The following BOD1L2 variants were observed in gnomAD, a reference collection of about 807,000 sequenced individuals.
The protein encoded by BOD1L2 is biorientation of chromosomes in cell division protein 1-like 2.
BOD1L2 carries 6 observed loss-of-function variants against 5.3 expected under a neutral mutation model. That is an observed-to-expected ratio of 1.14 (90% confidence interval 0.62 to 2.25). The LOEUF is 2.25. BOD1L2 is among the 30% of genes most tolerant of loss of function. BOD1L2 has a pLI of 0.00. For missense variants in BOD1L2, 210 were observed against 227.2 expected (o/e 0.92, Z 0.49); for synonymous variants, 96 against 96.3 (o/e 1.00, Z 0.02).
In BOD1L2 at chr18:57,147,294, G is replaced by T. The variant is rs1387972757; in HGVS notation, c.-19G>T. ...AGAAGAAGCTATAATCGGTTTCCTT[G>T]TGGGCCCGGTGCGCAGCCATGGCGG... is the stretch of plus-strand genomic sequence containing the variant. On this transcript the variant is annotated 5_prime_UTR_variant, in exon 1 of 1. Transcript: ENST00000585477. 5 of 1,159,058 alleles carry T rather than the reference G, an allele frequency of 4.3e-6. No individual in the cohort carries two copies. The East Asian group carries it at 2.4e-4, about 56-fold the overall frequency. The allele number at this position is 1,159,058 out of a possible 1,614,324, so 71.8% of individuals were successfully genotyped here.
chr18:57,148,103 CCG>C lies in BOD1L2; in HGVS notation c.*275_*276del, dbSNP rs1163319627. 3 of 357,026 alleles carry C rather than the reference CCG, an allele frequency of 8.4e-6. No individual in the cohort carries two copies. Among genetic ancestry groups the C allele is most frequent in the African/African-American group, 6.1e-5 (3 of 48,996 alleles). The allele number at this position is 357,026 out of a possible 1,614,324, so 22.1% of individuals were successfully genotyped here. On this transcript the variant is annotated 3_prime_UTR_variant, in exon 1 of 1. Transcript: ENST00000585477. ...ACACACTACAGAGAGGGAAACACTACCGCGACCCAGGATTGTCCTGAAACAGA... is the reference window on the plus strand; with the variant it reads ...ACACACTACAGAGAGGGAAACACTACCGACCCAGGATTGTCCTGAAACAGA...
Position 57,147,153 on chromosome 18 carries a change from A to C in BOD1L2, c.-160A>C. ...AGCTGGCCTCCCCCACCGCCGCCCCAACCACCGGCCCCGCCGCCATCACCA... is the reference window on the plus strand; with the variant it reads ...AGCTGGCCTCCCCCACCGCCGCCCCCACCACCGGCCCCGCCGCCATCACCA... On this transcript the variant is annotated 5_prime_UTR_variant, in exon 1 of 1. Coordinates refer to ENST00000585477, the MANE Select transcript of BOD1L2 (RefSeq NM_001257964.2). 6 of 923,368 alleles carry C rather than the reference A, an allele frequency of 6.5e-6. No homozygotes were observed. Among genetic ancestry groups the C allele is most frequent in the South Asian group, 5.2e-5 (1 of 19,330 alleles). 57.2% of individuals were successfully genotyped at this position (923,368 alleles called of 1,614,324 possible).
In BOD1L2 at chr18:57,147,736, G is replaced by A; in HGVS notation, c.424G>A (p.Glu142Lys). ...FRPQIEQIIHEFLVAQKEAAV... is the reference protein window; with the variant it reads ...FRPQIEQIIHKFLVAQKEAAV... ...GCCACAAATAGAACAAATAATTCATGAATTCCTGGTGGCCCAGAAAGAAGC... is the reference window on the plus strand; with the variant it reads ...GCCACAAATAGAACAAATAATTCATAAATTCCTGGTGGCCCAGAAAGAAGC... Residue 142 changes from glutamate (E) to lysine (K), a missense_variant, in exon 1 of 1, where the codon GAA (glutamate) becomes AAA (lysine). Glu to Lys is a moderately conservative substitution (Grantham distance 56). Transcript: ENST00000585477. 6.2e-7 allele frequency: 1 copy of A among 1,613,846 alleles called. No homozygotes were observed. The highest frequency in any genetic ancestry group is 8.5e-7 in the Non-Finnish European group (1 of 1,180,038).
rs1364085919 is a variant in BOD1L2 at position 57,147,456 on chromosome 18, C to T, written c.144C>T (p.Ser48=). ...CTATCATCGTGGGGCAGCTCAAGAG[C>T]AGGGGCCTTTTTGACAGCTTCCGCC... The part of the protein sequence containing the change: ...LIAIIVGQLK[S]RGLFDSFRRD... Residue 48 remains serine (S), a synonymous_variant, in exon 1 of 1, where the codon AGC becomes AGT. Transcript: ENST00000585477. 3.0e-5 allele frequency: 46 copies of T among 1,552,276 alleles called. No individual in the cohort carries two copies. The highest frequency in any genetic ancestry group is 3.9e-5 in the Non-Finnish European group (45 of 1,152,008).
rs1202989016 is a variant in BOD1L2, at chr18:57,149,858, T to C, written c.*2027T>C. ...GAACCTAATTTCTGCTTTTAAGAAA[T>C]GTGTTGCGGAAGTGATTTTTGGTTT... On this transcript the variant is annotated 3_prime_UTR_variant, in exon 1 of 1. Transcript: ENST00000585477. 1 of 152,208 alleles carries C rather than the reference T, an allele frequency of 6.6e-6. No homozygotes were observed. Among genetic ancestry groups the C allele is most frequent in the African/African-American group, 2.4e-5 (1 of 41,458 alleles). The allele number at this position is 152,208 out of a possible 1,614,324, so 9.4% of individuals were successfully genotyped here.
rs2048942846 is a variant in BOD1L2, at chr18:57,149,063, CTTTATTCCCATT to C, written c.*1246_*1257del. 1.3e-5 allele frequency: 2 copies of C among 152,242 alleles called. No homozygotes were observed. Among genetic ancestry groups the C allele is most frequent in the Non-Finnish European group, 2.9e-5 (2 of 68,044 alleles). The allele number at this position is 152,242 out of a possible 1,614,324, so 9.4% of individuals were successfully genotyped here. A position where few individuals can be genotyped will look rare whatever the true frequency, so the allele number is the denominator to read the frequency against. ...CATGATCTAATTGAAGAAATCGTAT[CTTTATTCCCATT>C]TTTATTCCCATTTATAAATGTAGAA... On this transcript the variant is annotated 3_prime_UTR_variant, in exon 1 of 1. Transcript: ENST00000585477.
At position 57,148,717 on chromosome 18, in the gene BOD1L2, C is replaced by G. The variant is rs1278521769; in HGVS notation, c.*886C>G. On this transcript the variant is annotated 3_prime_UTR_variant, in exon 1 of 1. Coordinates refer to ENST00000585477, the MANE Select transcript of BOD1L2 (RefSeq NM_001257964.2). ...GTTTATGAGGCCCGTGATAATGGGG[C>G]CCCTGGTCACCTCTGCTGCCCCGTA... 1 of 152,216 alleles carries G rather than the reference C, an allele frequency of 6.6e-6. No individual in the cohort carries two copies. Among genetic ancestry groups the G allele is most frequent in the Non-Finnish European group, 1.5e-5 (1 of 68,054 alleles). 9.4% of individuals were successfully genotyped at this position (152,216 alleles called of 1,614,324 possible). A position where few individuals can be genotyped will look rare whatever the true frequency, so the allele number is the denominator to read the frequency against.
At position 57,147,526 on chromosome 18, in the gene BOD1L2, C is replaced by G; in HGVS notation, c.214C>G (p.Leu72Val). Residue 72 changes from leucine (L) to valine (V), a missense_variant, in exon 1 of 1, where the codon CTG becomes GTG. Leu to Val is a conservative substitution (Grantham distance 32). Coordinates refer to ENST00000585477, the MANE Select transcript of BOD1L2 (RefSeq NM_001257964.2). The part of the protein sequence containing the change: ...DVDTKPAYQN[L>V]SQKADNFVST... The stretch of plus-strand genomic sequence containing the variant: ...GGACACCAAGCCAGCTTACCAAAAC[C>G]TGAGCCAGAAAGCGGATAATTTTGT... 1.2e-6 allele frequency: 2 copies of G among 1,604,150 alleles called. No homozygotes were observed. The highest frequency in any genetic ancestry group is 1.7e-6 in the Non-Finnish European group (2 of 1,175,510).
Position 57,147,158 on chromosome 18 carries a change from C to G in BOD1L2, c.-155C>G, listed in dbSNP as rs943088624. The G allele has an allele frequency of 1.0e-6, 1 of 1,002,936 alleles. No individual in the cohort carries two copies. 62.1% of individuals were successfully genotyped at this position (1,002,936 alleles called of 1,614,324 possible). On this transcript the variant is annotated 5_prime_UTR_variant, in exon 1 of 1. Coordinates refer to ENST00000585477, the MANE Select transcript of BOD1L2 (RefSeq NM_001257964.2). ...GCCTCCCCCACCGCCGCCCCAACCACCGGCCCCGCCGCCATCACCACCACC... is the reference window on the plus strand; with the variant it reads ...GCCTCCCCCACCGCCGCCCCAACCAGCGGCCCCGCCGCCATCACCACCACC...
At position 57,148,417 on chromosome 18, in the gene BOD1L2, T is replaced by A. The variant is rs554587837; in HGVS notation, c.*586T>A. ...TTCCTTTGTAAGAGATAACAAAGCA[T>A]GAAACCCTAGAATGAGTGAGAAGTT... On this transcript the variant is annotated 3_prime_UTR_variant, in exon 1 of 1. Transcript: ENST00000585477. 3.3e-5 allele frequency: 5 copies of A among 153,144 alleles called. No homozygotes were observed. In the East Asian group the frequency reaches 9.6e-4, roughly 29 times the overall value. 9.5% of individuals were successfully genotyped at this position (153,144 alleles called of 1,614,324 possible).
chr18:57,147,378 C>T lies in BOD1L2; in HGVS notation c.66C>T (p.Gly22=). The T allele has an allele frequency of 2.0e-6, 3 of 1,520,430 alleles. No homozygotes were observed. The highest frequency in any genetic ancestry group is 2.5e-5 in the East Asian group (1 of 40,684). 94.2% of individuals were successfully genotyped at this position (1,520,430 alleles called of 1,614,324 possible). A position where few individuals can be genotyped will look rare whatever the true frequency, so the allele number is the denominator to read the frequency against. Residue 22 remains glycine (G), a synonymous_variant, in exon 1 of 1, where the codon GGC becomes GGT. Coordinates refer to ENST00000585477, the MANE Select transcript of BOD1L2 (RefSeq NM_001257964.2). ...AGPASTRASG[G]GGPINPASLP... is the part of the protein sequence containing the mutation. ...CGGCCTCGACCCGGGCCAGCGGGGG[C>T]GGCGGCCCCATCAACCCGGCCTCGT...
In BOD1L2 at chr18:57,147,365, G is replaced by A. The variant is rs2048927515; in HGVS notation, c.53G>A (p.Arg18Gln). 2.7e-6 allele frequency: 4 copies of A among 1,500,186 alleles called. No individual in the cohort carries two copies. The highest frequency in any genetic ancestry group is 1.8e-6 in the Non-Finnish European group (2 of 1,128,746). The allele number at this position is 1,500,186 out of a possible 1,614,324, so 92.9% of individuals were successfully genotyped here. ...GGCGGTGCGGGCCCGGCCTCGACCC[G>A]GGCCAGCGGGGGCGGCGGCCCCATC... Reference protein sequence around the residue: ...GSGGAGPASTRASGGGGPINP... With the variant: ...GSGGAGPASTQASGGGGPINP... The change falls in exon 1 of 1, where the codon CGG becomes CAG. Residue 18 changes from arginine to glutamine, a missense_variant. By Grantham distance (43) the Arg-to-Gln change is conservative (BLOSUM62 1). Coordinates refer to ENST00000585477, the MANE Select transcript of BOD1L2 (RefSeq NM_001257964.2).
rs1333974033 is a variant in BOD1L2, at chr18:57,147,385, C to A, written c.73C>A (p.Pro25Thr). 1 of 1,529,270 alleles carries A rather than the reference C, an allele frequency of 6.5e-7. No individual in the cohort carries two copies. Among genetic ancestry groups the A allele is most frequent in the Admixed American group, 2.0e-5 (1 of 50,472 alleles). The allele number at this position is 1,529,270 out of a possible 1,614,324, so 94.7% of individuals were successfully genotyped here. A position where few individuals can be genotyped will look rare whatever the true frequency, so the allele number is the denominator to read the frequency against. ...ASTRASGGGG[P>T]INPASLPPGD... is the part of the protein sequence containing the mutation. Reference sequence around the variant, plus strand: ...GACCCGGGCCAGCGGGGGCGGCGGCCCCATCAACCCGGCCTCGTTGCCCCC... The same window carrying A: ...GACCCGGGCCAGCGGGGGCGGCGGCACCATCAACCCGGCCTCGTTGCCCCC... The change falls in exon 1 of 1, where the codon CCC becomes ACC. Residue 25 changes from proline to threonine, a missense_variant. Transcript: ENST00000585477.
Position 57,147,860 on chromosome 18 carries a change from T to A in BOD1L2, c.*29T>A. The A allele has an allele frequency of 6.8e-7, 1 of 1,475,628 alleles. No homozygotes were observed. The allele number at this position is 1,475,628 out of a possible 1,614,324, so 91.4% of individuals were successfully genotyped here. A position where few individuals can be genotyped will look rare whatever the true frequency, so the allele number is the denominator to read the frequency against. On this transcript the variant is annotated 3_prime_UTR_variant, in exon 1 of 1. Coordinates refer to ENST00000585477, the MANE Select transcript of BOD1L2 (RefSeq NM_001257964.2). ...TATGCCTGACAGCTTTTGAAAGCGC[T>A]ATTTAATTTTTGGTGAAGAAATGGA...
Position 57,149,947 on chromosome 18 carries a change from T to C in BOD1L2, c.*2116T>C, listed in dbSNP as rs2144021011. 6.8e-6 allele frequency: 1 copy of C among 146,012 alleles called. No homozygotes were observed. Among genetic ancestry groups the C allele is most frequent in the Middle Eastern group, 3.4e-3 (1 of 294 alleles). 9.0% of individuals were successfully genotyped at this position (146,012 alleles called of 1,614,324 possible). On this transcript the variant is annotated 3_prime_UTR_variant, in exon 1 of 1. Transcript: ENST00000585477. ...TAAAGTGTAATACAACTTTTAAAGT[T>C]TTTTTTTTCCTTTACCAGTTCTCTA...
At position 57,148,021 on chromosome 18, in the gene BOD1L2, C is replaced by T. The variant is rs12605919; in HGVS notation, c.*190C>T. On this transcript the variant is annotated 3_prime_UTR_variant, in exon 1 of 1. Coordinates refer to ENST00000585477, the MANE Select transcript of BOD1L2 (RefSeq NM_001257964.2). ...TCGCCAGAGAGAAAGTTGACCGTGGCACCCTCCTGCATTGCGCTGCCATTT... is the reference window on the plus strand; with the variant it reads ...TCGCCAGAGAGAAAGTTGACCGTGGTACCCTCCTGCATTGCGCTGCCATTT... The T allele has an allele frequency of 0.23, 142,885 of 629,696 alleles. 16,977 individuals are homozygous for T. The highest frequency in any genetic ancestry group is 0.27 in the South Asian group (13,224 of 48,268). The allele number at this position is 629,696 out of a possible 1,614,324, so 39.0% of individuals were successfully genotyped here.
In BOD1L2 at chr18:57,147,426, C is replaced by T; in HGVS notation, c.114C>T (p.Leu38=). The part of the protein sequence containing the change: ...PASLPPGDPQ[L]IAIIVGQLKS... ...CGTTGCCCCCTGGCGACCCTCAGCT[C>T]ATCGCTATCATCGTGGGGCAGCTCA... Residue 38 remains leucine, a synonymous_variant, in exon 1 of 1, where the codon CTC becomes CTT. Transcript: ENST00000585477. 2.6e-6 allele frequency: 4 copies of T among 1,541,988 alleles called. No homozygotes were observed. The highest frequency in any genetic ancestry group is 3.5e-6 in the Non-Finnish European group (4 of 1,148,290).
rs1196104847 is a variant in BOD1L2, at chr18:57,148,195, GC to G, written c.*365del. 5.4e-6 allele frequency: 1 copy of G among 186,676 alleles called. No homozygotes were observed. Among genetic ancestry groups the G allele is most frequent in the South Asian group, 1.4e-4 (1 of 7,282 alleles). The allele number at this position is 186,676 out of a possible 1,614,324, so 11.6% of individuals were successfully genotyped here. A position where few individuals can be genotyped will look rare whatever the true frequency, so the allele number is the denominator to read the frequency against. ...GGTTTGTGCTCTGAGATAAACGAAA[GC>G]TACAGCGAGAGAACATAACCAATCC... is the stretch of plus-strand genomic sequence containing the variant. On this transcript the variant is annotated 3_prime_UTR_variant, in exon 1 of 1. Coordinates refer to ENST00000585477, the MANE Select transcript of BOD1L2 (RefSeq NM_001257964.2).
rs544658579 is a variant in BOD1L2, at chr18:57,149,139, C to G, written c.*1308C>G. The stretch of plus-strand genomic sequence containing the variant: ...CACTGCCTAAGTGGTGGGGCTGGGG[C>G]TGAGCCTGTATTGAGCACAGAGCCC... On this transcript the variant is annotated 3_prime_UTR_variant, in exon 1 of 1. Coordinates refer to ENST00000585477, the MANE Select transcript of BOD1L2 (RefSeq NM_001257964.2). 1 of 152,342 alleles carries G rather than the reference C, an allele frequency of 6.6e-6. No individual in the cohort carries two copies. Among genetic ancestry groups the G allele is most frequent in the African/African-American group, 2.4e-5 (1 of 41,574 alleles). The allele number at this position is 152,342 out of a possible 1,614,324, so 9.4% of individuals were successfully genotyped here.
Sources: allele counts gnomAD v4.1 joint callset, GRCh38; gene constraint gnomAD v4.1.1; transcripts MANE v1.5; gene names NCBI Gene and HGNC (gene_info 2026-07-23, HGNC 2026-07-21).